The following ZNF407 variants were observed in gnomAD, a reference collection of about 807,000 sequenced individuals.
ZNF407 encodes the protein zinc finger protein 407.
Under a neutral mutation model 131.2 loss-of-function variants are expected in ZNF407, and 17 were observed. The observed-to-expected ratio is 0.13, with a 90% CI of 0.09 to 0.19. The LOEUF (loss-of-function observed/expected upper bound fraction) is 0.19. ZNF407 is among the 10% of genes least tolerant of loss of function. The probability of loss-of-function intolerance (pLI) is 1.00; values close to 1 mark genes in which losing one functional copy is unlikely to be tolerated. For missense variants in ZNF407, 2,681 were observed against 2,830.6 expected, an observed-to-expected ratio of 0.95 and a Z score of 1.20; for synonymous variants, 1,156 against 1,062.0, an observed-to-expected ratio of 1.09 and a Z score of -1.72.
At chr18:75,043,514 C>T (rs76481349) in intron 8 of ZNF407, among the ~76,000 whole-genome samples, 4,154 of 152,320 alleles carry the variant, frequency 0.027, 94 homozygotes, top group Non-Finnish European at 0.04. Context: ...CTGCCTCCCT[C>T]CATCCCTCCC....
chr18:74,879,517 G>A (rs1469954374), intron 5 of ZNF407, among the ~76,000 whole-genome samples: 1 of 152,058 alleles, frequency 6.6e-6, no homozygotes, highest in Non-Finnish European at 1.5e-5. Context: ...TCTACTCTCA[G>A]TGTTATTTAA....
At chr18:74,914,416 G>T (rs1971718373) in intron 7 of ZNF407, among the ~76,000 whole-genome samples, 1 of 152,190 alleles carries the variant, frequency 6.6e-6, no homozygotes, top group Non-Finnish European at 1.5e-5. Context: ...CATGCAGTGT[G>T]TGTTGCTCAC....
intron 3 of ZNF407, among the ~76,000 whole-genome samples, chr18:74,734,191 A>G (rs769516053): frequency 2.6e-5 from 4 of 152,082 alleles, no homozygotes; most frequent in Non-Finnish European, 5.9e-5. Context: ...GTAAATCCTC[A>G]ATGTCACGCC....
At chr18:74,816,084 G>A (rs2145095061) in intron 4 of ZNF407, among the ~76,000 whole-genome samples, 1 of 152,254 alleles carries the variant, frequency 6.6e-6, no homozygotes, top group African/African-American at 2.4e-5. Context: ...TGAATGTACA[G>A]GATACTCTCG....
chr18:74,692,893 C>A (rs1360590663), intron 3 of ZNF407, among the ~76,000 whole-genome samples: 1 of 152,132 alleles, frequency 6.6e-6, no homozygotes, highest in Non-Finnish European at 1.5e-5. Flanking sequence ...GAGGCTTTTG[C>A]TTTATGGCAG....
chr18:74,791,521 A>T (rs1481817897), intron 4 of ZNF407, among the ~76,000 whole-genome samples: 1 of 152,178 alleles, frequency 6.6e-6, no homozygotes, highest in Non-Finnish European at 1.5e-5. Flanking sequence ...GGTGAAATGT[A>T]TCAGCTTTTG....
rs988825989 is a variant in ZNF407, at chr18:74,641,201, G to A, written c.4802+79G>A. The A allele has an allele frequency of 1.5e-5, 17 of 1,170,148 alleles. No homozygotes were observed. The African/African-American group carries it at 1.5e-4, about 10-fold the overall frequency. The allele number at this position is 1,170,148 out of a possible 1,614,324, so 72.5% of individuals were successfully genotyped here. ...AGCCATTGTTTCGGAATTCAAAACC[G>A]ATAGGAGTAAGAGTGGCTAAAATTA... On this transcript the variant is annotated intron_variant, in intron 3 of 8. Transcript: ENST00000299687.
intron 7 of ZNF407, among the ~76,000 whole-genome samples, chr18:74,894,372 A>AT (rs1971425446): frequency 6.6e-6 from 1 of 152,134 alleles, no homozygotes; most frequent in South Asian, 2.1e-4. Flanking sequence ...ATGAAAAAAA[A>AT]TAACATTTTT....
chr18:75,040,606 C>T, intron 8 of ZNF407, among the ~76,000 whole-genome samples: 1 of 152,168 alleles, frequency 6.6e-6, no homozygotes, highest in Non-Finnish European at 1.5e-5. Flanking sequence ...GCATTCTGAG[C>T]TCATTAATAA....
intron 3 of ZNF407, among the ~76,000 whole-genome samples, chr18:74,680,169 T>C (rs574302200): frequency 2.0e-5 from 3 of 152,202 alleles, no homozygotes; most frequent in South Asian, 4.2e-4. Flanking sequence ...GGTGGGCAGA[T>C]CCATTGAGCC....
chr18:74,911,137 T>C (rs1971665008), intron 7 of ZNF407, among the ~76,000 whole-genome samples: 1 of 152,256 alleles, frequency 6.6e-6, no homozygotes, highest in Non-Finnish European at 1.5e-5. Context: ...ACATGTAGCT[T>C]TTCTCAATCT....
intron 4 of ZNF407, among the ~76,000 whole-genome samples, chr18:74,782,877 AC>A (rs1969633723): frequency 6.6e-6 from 1 of 152,192 alleles, no homozygotes; most frequent in Non-Finnish European, 1.5e-5. Flanking sequence ...TGCTGGGATT[AC>A]AGGCTTGAGC....
At chr18:74,620,300 C>G (rs1242058013) in intron 1 of ZNF407, among the ~76,000 whole-genome samples, 1 of 152,030 alleles carries the variant, frequency 6.6e-6, no homozygotes, top group African/African-American at 2.4e-5. Flanking sequence ...ATTTTGCAGG[C>G]CAAATTTGAT....
intron 8 of ZNF407, among the ~76,000 whole-genome samples, chr18:75,034,717 T>C (rs1289995540): frequency 6.6e-6 from 1 of 152,186 alleles, no homozygotes; most frequent in Non-Finnish European, 1.5e-5. Context: ...TCAGATTTAT[T>C]AATTAGGTAC....
Position 74,781,599 on chromosome 18 carries a change from A to T in ZNF407, c.4877+97A>T, listed in dbSNP as rs1431901138. ...GACTTCTAGACTTTTTTTTCACATCAGTTAATCATGTTTCTATTTGTGGTA... is the reference window on the plus strand; with the variant it reads ...GACTTCTAGACTTTTTTTTCACATCTGTTAATCATGTTTCTATTTGTGGTA... On this transcript the variant is annotated intron_variant, in intron 4 of 8. Transcript: ENST00000299687. 3 of 851,276 alleles carry T rather than the reference A, an allele frequency of 3.5e-6. No homozygotes were observed. In the African/African-American group the frequency reaches 5.3e-5, roughly 15 times the overall value. 52.7% of individuals were successfully genotyped at this position (851,276 alleles called of 1,614,324 possible). A position where few individuals can be genotyped will look rare whatever the true frequency, so the allele number is the denominator to read the frequency against.
At chr18:74,929,390 A>T (rs1971955277) in intron 8 of ZNF407, among the ~76,000 whole-genome samples, 1 of 145,638 alleles carries the variant, frequency 6.9e-6, no homozygotes, top group African/African-American at 2.5e-5. Flanking sequence ...TAAAACAGTT[A>T]AAAAAAAAAA....
chr18:75,061,996 C>T (rs1264651876), intron 8 of ZNF407: 1 of 152,336 alleles, frequency 6.6e-6, no homozygotes, highest in Non-Finnish European at 1.5e-5. Flanking sequence ...CTCCTCCTCT[C>T]TGCAGCCCAT....
intron 4 of ZNF407, among the ~76,000 whole-genome samples, chr18:74,870,869 A>T (rs2145171971): frequency 6.6e-6 from 1 of 152,326 alleles, no homozygotes; most frequent in East Asian, 1.9e-4. Context: ...GAAACTCCAT[A>T]GAAATATGGT....
intron 3 of ZNF407, among the ~76,000 whole-genome samples, chr18:74,675,596 TCTGTCTTTTCTGTG>T (rs1986322491): frequency 6.6e-6 from 1 of 152,232 alleles, no homozygotes; most frequent in African/African-American, 2.4e-5. Flanking sequence ...GAGAAAGCTT[TCTGTCTTTTCTGTG>T]CTGTCTTTCC....
Sources: allele counts gnomAD v4.1 joint callset (sites outside exome capture counted in the v4.1 genomes callset), GRCh38; gene constraint gnomAD v4.1.1; transcripts MANE v1.5; gene names NCBI Gene and HGNC (gene_info 2026-07-23, HGNC 2026-07-21).